The following DSCAM variants were observed in gnomAD, a reference collection of about 807,000 sequenced individuals.
DSCAM encodes the protein DS cell adhesion molecule, also known as cell adhesion molecule DSCAM.
DSCAM carries 47 observed loss-of-function variants against 217.7 expected under a neutral mutation model. That is an observed-to-expected ratio of 0.22 (90% confidence interval 0.17 to 0.28). The LOEUF is 0.28. DSCAM is among the 10% of genes least tolerant of loss of function. The probability of loss-of-function intolerance (pLI) is 1.00; values close to 1 mark genes in which losing one functional copy is unlikely to be tolerated. For missense variants in DSCAM, 2,080 were observed against 2,618.3 expected, an observed-to-expected ratio of 0.79 and a Z score of 4.49; for synonymous variants, 1,056 against 1,015.3, an observed-to-expected ratio of 1.04 and a Z score of -0.76.
intron 24 of DSCAM, 25 bp downstream of exon 24, chr21:40,083,883 T>C (rs2146568700): frequency 6.3e-7 from 1 of 1,577,076 alleles, no homozygotes; most frequent in African/African-American, 1.4e-5. Flanking sequence ...TAATCAACTA[T>C]TGTGGACAAT....
At chr21:40,522,596 T>C (rs1243125713) in intron 3 of DSCAM, among the ~76,000 whole-genome samples, 1 of 152,230 alleles carries the variant, frequency 6.6e-6, no homozygotes, top group East Asian at 1.9e-4. Context: ...CTTTAGTTCA[T>C]GAATCCTTGC....
chr21:40,687,435 A>C (rs1335873760), intron 3 of DSCAM, among the ~76,000 whole-genome samples: 2 of 152,174 alleles, frequency 1.3e-5, no homozygotes, highest in East Asian at 3.9e-4. Flanking sequence ...GTGAGGAGCA[A>C]TAAAATCACA....
intron 8 of DSCAM, among the ~76,000 whole-genome samples, chr21:40,315,866 A>G (rs779135332): frequency 6.6e-6 from 1 of 152,202 alleles, no homozygotes; most frequent in Non-Finnish European, 1.5e-5. Context: ...GGCATATTGA[A>G]GAGGGCTTAG....
Position 40,708,682 on chromosome 21 carries a change from G to A in DSCAM, c.133C>T (p.Pro45Ser), listed in dbSNP as rs777236437. Reference sequence around the variant, plus strand: ...GGAGGGATGCCTGCTGCGGGGCAGGGCACCAGAGTCCCCGTGGTGCTGGCA... The same window carrying A: ...GGAGGGATGCCTGCTGCGGGGCAGGACACCAGAGTCCCCGTGGTGCTGGCA... Reference protein sequence around the residue: ...VFASTTGTLVPCPAAGIPPVT... With the variant: ...VFASTTGTLVSCPAAGIPPVT... Residue 45 changes from proline to serine, a missense_variant, in exon 2 of 33, where the codon CCC (proline) becomes TCC (serine). Pro to Ser is a moderately conservative substitution (Grantham distance 74). Around this residue, in one of 5 missense-constraint regions of DSCAM, gnomAD observed 568 missense variants for 678.1 expected, o/e 0.84. Transcript: ENST00000400454. The A allele has an allele frequency of 6.2e-7, 1 of 1,612,596 alleles. No individual in the cohort carries two copies. Among genetic ancestry groups the A allele is most frequent in the Admixed American group, 1.7e-5 (1 of 59,802 alleles).
At chr21:40,828,173 C>CG (rs1369231296) in intron 1 of DSCAM, among the ~76,000 whole-genome samples, 1 of 151,892 alleles carries the variant, frequency 6.6e-6, no homozygotes, top group Non-Finnish European at 1.5e-5. Context: ...GAGGCTGAGG[C>CG]GGGGGGACTG....
intron 3 of DSCAM, among the ~76,000 whole-genome samples, chr21:40,653,622 T>A (rs922327849): frequency 6.6e-6 from 1 of 152,058 alleles, no homozygotes; most frequent in African/African-American, 2.4e-5. Flanking sequence ...CAGGTTAGAC[T>A]CCTAAACACA....
chr21:40,131,871 T>C (rs1013182730), intron 19 of DSCAM, among the ~76,000 whole-genome samples: 4 of 152,192 alleles, frequency 2.6e-5, no homozygotes, highest in East Asian at 1.9e-4. Context: ...CAAAGCATAA[T>C]TGATTGACAA....
chr21:40,460,126 G>A (rs190646229), intron 3 of DSCAM, among the ~76,000 whole-genome samples: 4 of 152,216 alleles, frequency 2.6e-5, no homozygotes, highest in Admixed American at 2.6e-4. Context: ...GGGGACTGTT[G>A]GTGGCATTGG....
intron 3 of DSCAM, among the ~76,000 whole-genome samples, chr21:40,410,812 C>T (rs2075316061): frequency 2.0e-5 from 3 of 150,422 alleles, no homozygotes; most frequent in Admixed American, 2.0e-4. Flanking sequence ...TAAAACTAAC[C>T]AAAGTAGAAA....
intron 1 of DSCAM, among the ~76,000 whole-genome samples, chr21:40,710,961 G>A (rs571890008): frequency 6.6e-6 from 1 of 150,854 alleles, no homozygotes; most frequent in East Asian, 1.9e-4. Flanking sequence ...AGCTCCGCTA[G>A]GTAAACAAAG....
At chr21:40,478,601 G>A (rs1371131586) in intron 3 of DSCAM, among the ~76,000 whole-genome samples, 1 of 152,148 alleles carries the variant, frequency 6.6e-6, no homozygotes, top group African/African-American at 2.4e-5. Flanking sequence ...CCAATAGGGA[G>A]GATTTTTAAT....
chr21:40,050,522 G>T (rs11088505), intron 30 of DSCAM, among the ~76,000 whole-genome samples: 1 of 150,846 alleles, frequency 6.6e-6, no homozygotes. Context: ...TCGCTCTGTC[G>T]TCCAGGCTGG....
rs1259447641 is a variant in DSCAM at position 40,216,084 on chromosome 21, C to A, written c.2357-26846G>T. 2.0e-5 allele frequency among the ~76,000 whole-genome samples: 3 copies of A among 152,228 alleles called. No individual in the cohort carries two copies. The East Asian group carries it at 5.8e-4, about 29-fold the overall frequency. On this transcript the variant is annotated intron_variant, in intron 11 of 32. Coordinates refer to ENST00000400454, the MANE Select transcript of DSCAM (RefSeq NM_001389.5). ...GACATGCAATGATTTCTTTTGGCCT[C>A]CTATAAAACAAATGAGCCCTTTTTG...
intron 3 of DSCAM, among the ~76,000 whole-genome samples, chr21:40,687,897 C>T (rs1168163922): frequency 1.3e-5 from 2 of 152,114 alleles, no homozygotes; most frequent in South Asian, 2.1e-4. Context: ...CCAAGTCTTG[C>T]GTGATCTATG....
At chr21:40,762,198 A>G (rs2091342730) in intron 1 of DSCAM, among the ~76,000 whole-genome samples, 1 of 152,118 alleles carries the variant, frequency 6.6e-6, no homozygotes, top group Admixed American at 6.5e-5. Flanking sequence ...GATTAACAAA[A>G]TAGATAGACC....
intron 20 of DSCAM, among the ~76,000 whole-genome samples, chr21:40,105,531 T>G (rs1302059984): frequency 2.6e-5 from 4 of 152,202 alleles, no homozygotes; most frequent in Non-Finnish European, 2.9e-5. Flanking sequence ...TTCCTCTTGC[T>G]GCTGCCACGT....
intron 1 of DSCAM, among the ~76,000 whole-genome samples, chr21:40,807,285 C>T (rs1272751895): frequency 1.3e-5 from 2 of 152,140 alleles, no homozygotes; most frequent in African/African-American, 4.8e-5. Context: ...ACATCTATGT[C>T]CTTAAACTTG....
At chr21:40,632,635 T>C (rs773424781) in intron 3 of DSCAM, among the ~76,000 whole-genome samples, 5 of 152,194 alleles carry the variant, frequency 3.3e-5, no homozygotes, top group African/African-American at 4.8e-5. Flanking sequence ...CTTATTGGAA[T>C]AACAAGATCA....
intron 8 of DSCAM, among the ~76,000 whole-genome samples, chr21:40,324,916 C>T (rs2074301571): frequency 1.3e-5 from 2 of 152,136 alleles, no homozygotes; most frequent in African/African-American, 2.4e-5. Context: ...CTGATGGAAG[C>T]AAAGCCATGT....
Sources: allele counts gnomAD v4.1 joint callset (sites outside exome capture counted in the v4.1 genomes callset), GRCh38; gene constraint gnomAD v4.1.1; regional missense constraint gnomAD v4.1.1; transcripts MANE v1.5; gene names NCBI Gene and HGNC (gene_info 2026-07-23, HGNC 2026-07-21).